Variants in LARGE1 observed in about 807,000 individuals in gnomAD.
The protein encoded by LARGE1 is LARGE xylosyl- and glucuronyltransferase 1, also known as xylosyl- and glucuronyltransferase LARGE1.
A neutral mutation model predicts 87.6 loss-of-function variants in LARGE1; 43 were observed. That is an observed-to-expected ratio of 0.49 (90% CI 0.38 to 0.63). The LOEUF (loss-of-function observed/expected upper bound fraction) is 0.63. LARGE1 is among the 30% of genes least tolerant of loss of function. The pLI, the probability that LARGE1 is intolerant of heterozygous loss-of-function variation, is 0.00. For missense variants in LARGE1, 802 were observed against 1,000.2 expected, an observed-to-expected ratio of 0.80 and a Z score of 2.67; for synonymous variants, 434 against 394.6, an observed-to-expected ratio of 1.10 and a Z score of -1.18.
intron 11 of LARGE1, among the ~76,000 whole-genome samples, chr22:33,267,219 C>T (rs969486004): frequency 3.3e-5 from 5 of 151,596 alleles, no homozygotes; most frequent in Non-Finnish European, 5.9e-5. Flanking sequence ...CCAGCCTGGG[C>T]GACAGAGGGG....
chr22:33,639,944 C>T (rs556376727), intron 3 of LARGE1, among the ~76,000 whole-genome samples: 4 of 152,286 alleles, frequency 2.6e-5, no homozygotes, highest in African/African-American at 7.2e-5. Context: ...GATGAGGGCC[C>T]GTTGTTCCTA....
intron 1 of LARGE1, among the ~76,000 whole-genome samples, chr22:33,886,697 GGGAA>G: frequency 6.7e-6 from 1 of 149,326 alleles, no homozygotes; most frequent in Non-Finnish European, 1.5e-5. Flanking sequence ...AAGGGAGGGA[GGGAA>G]GGAGGGAGGG....
the LARGE1 span, among the ~76,000 whole-genome samples, chr22:33,144,696 G>A: frequency 6.6e-6 from 1 of 152,046 alleles, no homozygotes; most frequent in South Asian, 2.1e-4. Flanking sequence ...AAGAGTAGCT[G>A]GCTAATTCAG....
intron 11 of LARGE1, among the ~76,000 whole-genome samples, chr22:33,176,812 T>C (rs1311846494): frequency 6.6e-6 from 1 of 152,228 alleles, no homozygotes; most frequent in South Asian, 2.1e-4. Context: ...ACTGGATATA[T>C]ACCCAAAGGA....
intron 1 of LARGE1, among the ~76,000 whole-genome samples, chr22:33,803,413 G>A (rs150720509): frequency 1.3e-5 from 2 of 152,106 alleles, no homozygotes; most frequent in African/African-American, 4.8e-5. Context: ...GTACATAGCT[G>A]GAATCCAGTA....
At chr22:33,351,168 C>G (rs1231514060) in intron 9 of LARGE1, among the ~76,000 whole-genome samples, 2 of 152,196 alleles carry the variant, frequency 1.3e-5, no homozygotes, top group Admixed American at 6.5e-5. Context: ...TAGCTCATAG[C>G]AAGTGTGCAA....
At chr22:33,387,426 C>CAAAA (rs758366490) in intron 7 of LARGE1, among the ~76,000 whole-genome samples, 172 of 65,726 alleles carry the variant, frequency 2.6e-3, no homozygotes, top group Non-Finnish European at 3.3e-3. Context: ...GACTCTGTCT[C>CAAAA]AAAAAAAAAA....
chr22:33,276,654 T>C (rs956443512), intron 14 of LARGE1, among the ~76,000 whole-genome samples: 10 of 152,266 alleles, frequency 6.6e-5, no homozygotes, highest in African/African-American at 2.4e-4. Flanking sequence ...ATTAATCTTT[T>C]AGTAAAGGGT....
chr22:33,400,434 C>T (rs974476235), intron 7 of LARGE1, among the ~76,000 whole-genome samples: 8 of 152,198 alleles, frequency 5.3e-5, no homozygotes, highest in Non-Finnish European at 1.2e-4. Flanking sequence ...GGGCTATATA[C>T]CAGCTACCGA....
At chr22:33,069,064 C>T in the LARGE1 span, among the ~76,000 whole-genome samples, 1 of 152,172 alleles carries the variant, frequency 6.6e-6, no homozygotes, top group African/African-American at 2.4e-5. Context: ...TTGGATCTCC[C>T]AGTCTTAGTC....
At position 33,896,122 on chromosome 22, in the gene LARGE1, A is replaced by G. The variant is rs542161769; in HGVS notation, c.-83+23873T>C. ...CTTCCCCTAGTCCCTGGAAACCACC[A>G]TTTTACTTTCTGTCTCTACAAATTT... On this transcript the variant is annotated intron_variant, in intron 1 of 14. Transcript: ENST00000397394. Among the ~76,000 whole-genome samples, 3 of 152,176 alleles carry G rather than the reference A, an allele frequency of 2.0e-5. No homozygotes were observed. In the South Asian group the frequency reaches 6.2e-4, roughly 32 times the overall value.
chr22:33,079,911 T>C, the LARGE1 span, among the ~76,000 whole-genome samples: 1 of 152,134 alleles, frequency 6.6e-6, no homozygotes, highest in East Asian at 1.9e-4. Context: ...AATGGCATCA[T>C]TGGCCTGGCA....
intron 1 of LARGE1, among the ~76,000 whole-genome samples, chr22:33,806,404 A>G (rs2086310938): frequency 6.6e-6 from 1 of 152,190 alleles, no homozygotes; most frequent in African/African-American, 2.4e-5. Context: ...AGTCTCACCA[A>G]TAAGCCTGGC....
intron 11 of LARGE1, among the ~76,000 whole-genome samples, chr22:33,194,150 A>T (rs1418041353): frequency 6.7e-6 from 1 of 149,432 alleles, no homozygotes; most frequent in Non-Finnish European, 1.5e-5. Flanking sequence ...ATTGGCCCCA[A>T]TTTGACTTCT....
intron 2 of LARGE1, among the ~76,000 whole-genome samples, chr22:33,709,918 C>T (rs1014828610): frequency 2.3e-4 from 35 of 150,542 alleles, no homozygotes; most frequent in African/African-American, 6.4e-4. Flanking sequence ...TGAGCCACCA[C>T]GCTCAGCTGG....
intron 1 of LARGE1, among the ~76,000 whole-genome samples, chr22:33,874,191 C>T (rs970849092): frequency 1.3e-5 from 2 of 152,156 alleles, no homozygotes; most frequent in Non-Finnish European, 2.9e-5. Context: ...TGACTGAATC[C>T]GGGGACAGGA....
intron 2 of LARGE1, among the ~76,000 whole-genome samples, chr22:33,697,796 T>C (rs1304895319): frequency 6.6e-6 from 1 of 152,158 alleles, no homozygotes; most frequent in Non-Finnish European, 1.5e-5. Flanking sequence ...GGGAATGAAA[T>C]GTTTGTATTT....
chr22:33,326,007 T>C (rs1027975063), intron 10 of LARGE1, among the ~76,000 whole-genome samples: 3 of 152,210 alleles, frequency 2.0e-5, no homozygotes, highest in Non-Finnish European at 2.9e-5. Flanking sequence ...TTACATCTTA[T>C]TAAGCCACAC....
rs145861048 is a variant in LARGE1 at position 33,761,396 on chromosome 22, A to T, written c.81T>A (p.Ile27=). 17 of 1,613,856 alleles carry T rather than the reference A, an allele frequency of 1.1e-5. No individual in the cohort carries two copies. In the African/African-American group the frequency reaches 1.6e-4, roughly 15 times the overall value. Residue 27 remains isoleucine, a synonymous_variant, in exon 2 of 15, where the codon ATT becomes ATA. Coordinates refer to ENST00000397394, the MANE Select transcript of LARGE1 (RefSeq NM_133642.5). ...CTTCGAAGCTCCCAGAAAACAGGTA[A>T]ATCCAGGTGATGGCTGGGATGCAGA... The part of the protein sequence containing the change: ...SLLCIPAITW[I]YLFSGSFEDG...
Sources: allele counts gnomAD v4.1 joint callset (sites outside exome capture counted in the v4.1 genomes callset), GRCh38; gene constraint gnomAD v4.1.1; transcripts MANE v1.5; gene names NCBI Gene and HGNC (gene_info 2026-07-23, HGNC 2026-07-21).